Variants in ABCF2 observed in about 807,000 individuals in gnomAD.
The protein encoded by ABCF2 is ATP binding cassette subfamily F member 2.
Under a neutral mutation model 76.9 loss-of-function variants are expected in ABCF2, and 37 were observed. The ratio of observed to expected loss-of-function variants is 0.48; its 90% CI spans 0.37 to 0.63. The LOEUF is 0.63. ABCF2 is among the 30% of genes least tolerant of loss of function. ABCF2 has a pLI of 0.00. For synonymous variants in ABCF2, 299 were observed against 283.7 expected (o/e 1.05, Z -0.54); for missense variants, 524 against 782.1 (o/e 0.67, Z 3.94).
rs1352878221 is a variant in ABCF2 at position 151,218,860 on chromosome 7, C to T, written c.1031G>A (p.Arg344Lys). ...CAGCTTGGCACTGCCATGACCAAAC[C>T]TCGCAATGTAGTTCTAAAAAAGACC... The part of the protein sequence containing the change: ...QIAHMKNYIA[R>K]FGHGSAKLAR... Residue 344 changes from arginine to lysine, a missense_variant, in exon 9 of 15, where the codon AGG (arginine) becomes AAG (lysine). Arg to Lys is a conservative substitution (Grantham distance 26). Around this residue, in one of 2 missense-constraint regions of ABCF2, gnomAD observed 194 missense variants for 348.6 expected, o/e 0.56. Coordinates refer to ENST00000287844, the MANE Select transcript of ABCF2 (RefSeq NM_007189.3). 9 of 1,613,566 alleles carry T rather than the reference C, an allele frequency of 5.6e-6. No homozygotes were observed. The highest frequency in any genetic ancestry group is 1.3e-5 in the African/African-American group (1 of 74,808).
At position 151,221,646 on chromosome 7, in the gene ABCF2, G is replaced by A. The variant is rs1802270755; in HGVS notation, c.853C>T (p.Gln285Ter). The change falls in exon 7 of 15, where the codon CAG becomes TAG. Residue 285 changes from glutamine to a stop codon, truncating the protein, a stop_gained. Coordinates refer to ENST00000287844, the MANE Select transcript of ABCF2 (RefSeq NM_007189.3). LOFTEE classifies it high-confidence loss of function. ...KRILVLVSHS[Q>*]DFLNGVCTNI... ...GTACAGACACCATTCAGAAAATCCTGGGAATGGGAGACGAGGACCAAGATG... is the reference window on the plus strand; with the variant it reads ...GTACAGACACCATTCAGAAAATCCTAGGAATGGGAGACGAGGACCAAGATG... The A allele has an allele frequency of 6.2e-7, 1 of 1,612,484 alleles. No individual in the cohort carries two copies.
rs1484621108 is a variant in ABCF2 at position 151,212,077 on chromosome 7, TTCTG to T, written c.*1973_*1976del. Reference sequence around the variant, plus strand: ...AGCATCTAATTTGTGTCCTGTATGGTTCTGTCTTACTGGCTTTCCAAGAAGATCA... The same window carrying T: ...AGCATCTAATTTGTGTCCTGTATGGTTCTTACTGGCTTTCCAAGAAGATCA... On this transcript the variant is annotated 3_prime_UTR_variant, in exon 15 of 15. Transcript: ENST00000287844. 1.7e-5 allele frequency: 16 copies of T among 964,276 alleles called. No individual in the cohort carries two copies. The highest frequency in any genetic ancestry group is 5.3e-4 in the Middle Eastern group (1 of 1,872). 59.7% of individuals were successfully genotyped at this position (964,276 alleles called of 1,614,324 possible). A position where few individuals can be genotyped will look rare whatever the true frequency, so the allele number is the denominator to read the frequency against.
chr7:151,223,671 G>A lies in ABCF2; in HGVS notation c.722+7C>T. 6.3e-7 allele frequency: 1 copy of A among 1,586,142 alleles called. No individual in the cohort carries two copies. Among genetic ancestry groups the A allele is most frequent in the Non-Finnish European group, 8.6e-7 (1 of 1,161,940 alleles). Reference sequence around the variant, plus strand: ...TTATGGGGGTAGGGAAGGAGGGAGGGACTCACCTGGCAAGGGCAACCCTCA... The same window carrying A: ...TTATGGGGGTAGGGAAGGAGGGAGGAACTCACCTGGCAAGGGCAACCCTCA... On this transcript the variant is annotated splice_region_variant and intron_variant, in intron 5 of 14. Transcript: ENST00000287844.
chr7:151,226,471 CA>C lies in ABCF2; in HGVS notation c.-14del. 6.2e-7 allele frequency: 1 copy of C among 1,612,344 alleles called. No homozygotes were observed. The highest frequency in any genetic ancestry group is 8.5e-7 in the Non-Finnish European group (1 of 1,179,348). ...GGTCGGAGGGCATGATGATGACCCA[CA>C]GGGGTAGGTTACTGTTGTTTCAGGG... On this transcript the variant is annotated 5_prime_UTR_variant, in exon 2 of 15. Transcript: ENST00000287844.
Position 151,223,782 on chromosome 7 carries a change from C to T in ABCF2, c.618G>A (p.Met206Ile), listed in dbSNP as rs1253820170. Residue 206 changes from methionine to isoleucine, a missense_variant, in exon 5 of 15, where the codon ATG (methionine) becomes ATA (isoleucine). Met to Ile is a conservative substitution (Grantham distance 10, BLOSUM62 1). Coordinates refer to ENST00000287844, the MANE Select transcript of ABCF2 (RefSeq NM_007189.3). ...LEELDADKAE[M>I]RASRILHGLG... ...GTCCATGCAAGATCCGCGAGGCCCT[C>T]ATCTCTGCCTTGTCGGCATCCAGCT... is the stretch of plus-strand genomic sequence containing the variant. 1 of 1,613,974 alleles carries T rather than the reference C, an allele frequency of 6.2e-7. No individual in the cohort carries two copies. Among genetic ancestry groups the T allele is most frequent in the Non-Finnish European group, 8.5e-7 (1 of 1,179,926 alleles).
At position 151,218,668 on chromosome 7, in the gene ABCF2, C is replaced by G. The variant is rs35102612; in HGVS notation, c.1138-18G>C. The G allele has an allele frequency of 0.019, 30,237 of 1,613,632 alleles. 326 individuals are homozygous for G. The highest frequency in any genetic ancestry group is 0.022 in the Non-Finnish European group (26,259 of 1,179,604). On this transcript the variant is annotated intron_variant, in intron 9 of 14. Coordinates refer to ENST00000287844, the MANE Select transcript of ABCF2 (RefSeq NM_007189.3). ...GACAGTGTCTAGGAAGAAAAGAGGG[C>G]ATTTATCAAGTTGGCTCCTTTCTTA... is the stretch of plus-strand genomic sequence containing the variant.
In ABCF2 at chr7:151,218,898, G is replaced by C. The variant is rs1403035549; in HGVS notation, c.1018-25C>G. 5 of 1,612,520 alleles carry C rather than the reference G, an allele frequency of 3.1e-6. No individual in the cohort carries two copies. In the Admixed American group the frequency reaches 5.0e-5, roughly 16 times the overall value. The stretch of plus-strand genomic sequence containing the variant: ...TCTAAAAAAGACCAAAGAGAGCTTG[G>C]AGTATGTGCAGGCGCTCAACAATTC... On this transcript the variant is annotated intron_variant, in intron 8 of 14. Coordinates refer to ENST00000287844, the MANE Select transcript of ABCF2 (RefSeq NM_007189.3).
At position 151,215,463 on chromosome 7, in the gene ABCF2, G is replaced by T. The variant is rs1802130994; in HGVS notation, c.1530+141C>A. On this transcript the variant is annotated intron_variant, in intron 13 of 14. Transcript: ENST00000287844. The surrounding 1 kb of genome is among the most constrained non-coding windows in gnomAD (Gnocchi z 4.6). ...AACAACCTAGAGTAAAGAAAAGGTA[G>T]TAGGTTCTTAGGGGAGTCAAATGGA... 3 of 1,033,494 alleles carry T rather than the reference G, an allele frequency of 2.9e-6. No individual in the cohort carries two copies. The East Asian group carries it at 7.1e-5, about 25-fold the overall frequency. The allele number at this position is 1,033,494 out of a possible 1,614,324, so 64.0% of individuals were successfully genotyped here.
Position 151,213,600 on chromosome 7 carries a change from C to A in ABCF2, c.*454G>T. On this transcript the variant is annotated 3_prime_UTR_variant, in exon 15 of 15. Coordinates refer to ENST00000287844, the MANE Select transcript of ABCF2 (RefSeq NM_007189.3). ...ATAATTATTTAAAAACTGACCAGGA[C>A]GAAGGTCCTGGTCCGGAGCTCCAAA... 12 of 991,340 alleles carry A rather than the reference C, an allele frequency of 1.2e-5. No individual in the cohort carries two copies. Among genetic ancestry groups the A allele is most frequent in the Non-Finnish European group, 1.4e-5 (12 of 834,382 alleles). The allele number at this position is 991,340 out of a possible 1,614,324, so 61.4% of individuals were successfully genotyped here.
rs771774388 is a variant in ABCF2 at position 151,226,355 on chromosome 7, G to C, written c.104C>G (p.Thr35Arg). 1 of 1,614,078 alleles carries C rather than the reference G, an allele frequency of 6.2e-7. No homozygotes were observed. The highest frequency in any genetic ancestry group is 8.5e-7 in the Non-Finnish European group (1 of 1,179,998). The change falls in exon 2 of 15, where the codon ACA becomes AGA. Residue 35 changes from threonine to arginine, a missense_variant. By Grantham distance (71) the Thr-to-Arg change is moderately conservative (BLOSUM62 -1). Around this residue, in one of 2 missense-constraint regions of ABCF2, gnomAD observed 330 missense variants for 433.6 expected, o/e 0.76. Coordinates refer to ENST00000287844, the MANE Select transcript of ABCF2 (RefSeq NM_007189.3). ...KGHEENGDVV[T>R]EPQVAEKNEA... ...ATTCTTCTCTGCCACCTGTGGTTCT[G>C]TGACAACATCTCCATTTTCTTCATG...
chr7:151,224,841 A>G lies in ABCF2; in HGVS notation c.302T>C (p.Leu101Pro). ...GTTTAATTCCAGTTTGGTGTCACTGAGCAGCTCTTGACCATGAAAGGTAAG... is the reference window on the plus strand; with the variant it reads ...GTTTAATTCCAGTTTGGTGTCACTGGGCAGCTCTTGACCATGAAAGGTAAG... ...LSLTFHGQEL[L>P]SDTKLELNSG... is the part of the protein sequence containing the mutation. The change falls in exon 3 of 15, where the codon CTC becomes CCC. Residue 101 changes from leucine to proline, a missense_variant. Coordinates refer to ENST00000287844, the MANE Select transcript of ABCF2 (RefSeq NM_007189.3). 2 of 1,614,220 alleles carry G rather than the reference A, an allele frequency of 1.2e-6. No individual in the cohort carries two copies. Among genetic ancestry groups the G allele is most frequent in the Non-Finnish European group, 1.7e-6 (2 of 1,180,030 alleles).
In ABCF2 at chr7:151,214,930, C is replaced by T. The variant is rs1349165389; in HGVS notation, c.1683G>A (p.Glu561=). 3 of 1,614,092 alleles carry T rather than the reference C, an allele frequency of 1.9e-6. No individual in the cohort carries two copies. Among genetic ancestry groups the T allele is most frequent in the Non-Finnish European group, 1.7e-6 (2 of 1,180,040 alleles). ...TIDALADAIN[E]FEGGMMLVSH... is the part of the protein sequence containing the mutation. ...TGACCAGCATCATACCACCCTCAAA[C>T]TCATTGATGGCATCTGCCAGGGCGT... is the stretch of plus-strand genomic sequence containing the variant. Residue 561 remains glutamate, a synonymous_variant, in exon 14 of 15, where the codon GAG becomes GAA. Coordinates refer to ENST00000287844, the MANE Select transcript of ABCF2 (RefSeq NM_007189.3). This position sits in a 1 kb window ranked among gnomAD's most constrained non-coding sequence, Gnocchi z 4.9.
chr7:151,212,213 T>A lies in ABCF2; in HGVS notation c.*1841A>T. 2 of 985,452 alleles carry A rather than the reference T, an allele frequency of 2.0e-6. No individual in the cohort carries two copies. The highest frequency in any genetic ancestry group is 2.4e-6 in the Non-Finnish European group (2 of 829,926). 61.0% of individuals were successfully genotyped at this position (985,452 alleles called of 1,614,324 possible). ...GGCTGTGTCTTCCCATAGGGATGGC[T>A]GATTTCAGAGGCAGAGTGATGAATC... is the stretch of plus-strand genomic sequence containing the variant. On this transcript the variant is annotated 3_prime_UTR_variant, in exon 15 of 15. Transcript: ENST00000287844.
rs1332010459 is a variant in ABCF2 at position 151,212,663 on chromosome 7, T to C, written c.*1391A>G. 4.9e-6 allele frequency: 1 copy of C among 203,490 alleles called. No homozygotes were observed. Among genetic ancestry groups the C allele is most frequent in the African/African-American group, 2.4e-5 (1 of 42,382 alleles). The allele number at this position is 203,490 out of a possible 1,614,324, so 12.6% of individuals were successfully genotyped here. ...ATGCTACTATGCCCGGTTCATTTTA[T>C]TACTATTTGTAGAGAAGGGGTCTCC... On this transcript the variant is annotated 3_prime_UTR_variant, in exon 15 of 15. Coordinates refer to ENST00000287844, the MANE Select transcript of ABCF2 (RefSeq NM_007189.3).
In ABCF2 at chr7:151,215,153, A is replaced by G; in HGVS notation, c.1531-71T>C. On this transcript the variant is annotated intron_variant, in intron 13 of 14. Coordinates refer to ENST00000287844, the MANE Select transcript of ABCF2 (RefSeq NM_007189.3). The surrounding 1 kb of genome is among the most constrained non-coding windows in gnomAD (Gnocchi z 4.6). Reference sequence around the variant, plus strand: ...AAACAGCACAGCTCATCTCTCCCTCATTTCTCCCTGACTCCTCCATTAGCA... The same window carrying G: ...AAACAGCACAGCTCATCTCTCCCTCGTTTCTCCCTGACTCCTCCATTAGCA... The G allele has an allele frequency of 1.4e-6, 2 of 1,404,358 alleles. No individual in the cohort carries two copies. The highest frequency in any genetic ancestry group is 1.8e-4 in the Middle Eastern group (1 of 5,582). 87.0% of individuals were successfully genotyped at this position (1,404,358 alleles called of 1,614,324 possible). A position where few individuals can be genotyped will look rare whatever the true frequency, so the allele number is the denominator to read the frequency against.
In ABCF2 at chr7:151,214,315, C is replaced by T. The variant is rs1802107570; in HGVS notation, c.1735-124G>A. The T allele has an allele frequency of 7.3e-7, 1 of 1,377,548 alleles. No homozygotes were observed. The highest frequency in any genetic ancestry group is 1.0e-6 in the Non-Finnish European group (1 of 990,308). 85.3% of individuals were successfully genotyped at this position (1,377,548 alleles called of 1,614,324 possible). A position where few individuals can be genotyped will look rare whatever the true frequency, so the allele number is the denominator to read the frequency against. On this transcript the variant is annotated intron_variant, in intron 14 of 14. Transcript: ENST00000287844. This position sits in a 1 kb window ranked among gnomAD's most constrained non-coding sequence, Gnocchi z 4.9. ...CCCAAACCCATATCCAACTCACTGTCTCACTACTTCTAAGTTATTTGGGAT... is the reference window on the plus strand; with the variant it reads ...CCCAAACCCATATCCAACTCACTGTTTCACTACTTCTAAGTTATTTGGGAT...
At position 151,218,544 on chromosome 7, in the gene ABCF2, C is replaced by T. The variant is rs1198651186; in HGVS notation, c.1227+17G>A. On this transcript the variant is annotated intron_variant, in intron 10 of 14. Coordinates refer to ENST00000287844, the MANE Select transcript of ABCF2 (RefSeq NM_007189.3). ...CTAAGATACACCCCAGCCACCCATGCCCTGCCCTGAACTTACCCCATCTTT... is the reference window on the plus strand; with the variant it reads ...CTAAGATACACCCCAGCCACCCATGTCCTGCCCTGAACTTACCCCATCTTT... The T allele has an allele frequency of 6.2e-7, 1 of 1,609,104 alleles. No individual in the cohort carries two copies. The highest frequency in any genetic ancestry group is 8.5e-7 in the Non-Finnish European group (1 of 1,175,578).
At chr7:151,221,179 A>T (rs1683990249) in intron 7 of ABCF2, among the ~76,000 whole-genome samples, 1 of 152,002 alleles carries the variant, frequency 6.6e-6, no homozygotes, top group Admixed American at 6.6e-5. Context: ...CAATAGGTAG[A>T]AAGGAGCTAA....
In ABCF2 at chr7:151,218,934, C is replaced by A. The variant is rs893271135; in HGVS notation, c.1018-61G>T. 1.6e-5 allele frequency: 25 copies of A among 1,609,382 alleles called. No homozygotes were observed. The East Asian group carries it at 5.1e-4, about 33-fold the overall frequency. On this transcript the variant is annotated intron_variant, in intron 8 of 14. Coordinates refer to ENST00000287844, the MANE Select transcript of ABCF2 (RefSeq NM_007189.3). ...GGCGCTCAACAATTCATCTTCAATC[C>A]AGGGTAAAAATGTTGATCGTAACTT...
Sources: gnomAD v4.1 joint callset for allele counts (sites outside exome capture counted in the v4.1 genomes callset) on GRCh38, gnomAD v4.1.1 for gene constraint, gnomAD v4.1.1 regional missense constraint, Gnocchi (gnomAD v3.1) non-coding constraint, MANE v1.5 for transcripts, NCBI Gene and HGNC (gene_info 2026-07-23, HGNC 2026-07-21) for gene names.